MAST4: variants seen among roughly 807,000 people sequenced by gnomAD.
MAST4 encodes the protein microtubule associated serine/threonine kinase family member 4, also known as microtubule-associated serine/threonine-protein kinase 4.
MAST4 carries 89 observed loss-of-function variants against 162.7 expected under a neutral mutation model. That is an observed-to-expected ratio of 0.55 (90% CI 0.46 to 0.65). The LOEUF is 0.65. MAST4 is among the 30% of genes least tolerant of loss of function. The pLI is 0.00. For synonymous variants in MAST4, 1,479 were observed against 1,361.1 expected, an observed-to-expected ratio of 1.09 and a Z score of -1.91; for missense variants, 3,153 against 3,374.0, an observed-to-expected ratio of 0.93 and a Z score of 1.62.
intron 4 of MAST4, among the ~76,000 whole-genome samples, chr5:66,961,233 A>G (rs1301895949): frequency 1.3e-5 from 2 of 152,244 alleles, no homozygotes; most frequent in African/African-American, 4.8e-5. Context: ...TATAATGGAA[A>G]GTCTTATCAC....
chr5:67,165,973 G>A lies in MAST4; in HGVS notation c.6794G>A (p.Gly2265Asp). ...CAGAACAAAGCCAGCGATGGGATTG[G>A]CCAGGGAGAAGGTGGGCCCTCTGTC... ...GSQNKASDGIGQGEGGPSVPL... is the reference protein window; with the variant it reads ...GSQNKASDGIDQGEGGPSVPL... Residue 2265 changes from glycine to aspartate, a missense_variant, in exon 29 of 29, where the codon GGC (glycine) becomes GAC (aspartate). Physicochemically the swap from Gly to Asp is moderately conservative, Grantham distance 94. This residue lies in a region of MAST4 where 1,644 missense variants were observed against 1,495.0 expected (regional missense o/e 1.10). Transcript: ENST00000403625. 1.2e-6 allele frequency: 2 copies of A among 1,613,494 alleles called. No individual in the cohort carries two copies. The highest frequency in any genetic ancestry group is 1.7e-6 in the Non-Finnish European group (2 of 1,179,838).
chr5:66,843,024 C>T (rs959610617), intron 3 of MAST4, among the ~76,000 whole-genome samples: 1 of 152,124 alleles, frequency 6.6e-6, no homozygotes, highest in Non-Finnish European at 1.5e-5. Flanking sequence ...TGAACTCCTC[C>T]GTGTGTCTGT....
chr5:67,034,474 T>C (rs934606574), intron 4 of MAST4, among the ~76,000 whole-genome samples: 4 of 152,164 alleles, frequency 2.6e-5, no homozygotes, highest in African/African-American at 9.6e-5. Context: ...ACTTATGTGT[T>C]TGCTCCATCA....
chr5:66,815,712 C>A (rs982643385), intron 3 of MAST4, among the ~76,000 whole-genome samples: 1 of 152,154 alleles, frequency 6.6e-6, no homozygotes, highest in Non-Finnish European at 1.5e-5. Context: ...TATTGCTTTA[C>A]AAATAAGAAT....
chr5:67,019,686 A>G (rs773849490), intron 4 of MAST4, among the ~76,000 whole-genome samples: 3 of 152,186 alleles, frequency 2.0e-5, no homozygotes, highest in Admixed American at 6.5e-5. Flanking sequence ...TTTTTTAGGG[A>G]AGTAGCTTTA....
At chr5:66,772,737 A>T (rs1034610530) in intron 2 of MAST4, among the ~76,000 whole-genome samples, 1 of 152,232 alleles carries the variant, frequency 6.6e-6, no homozygotes, top group African/African-American at 2.4e-5. Context: ...TGAGGCCCAG[A>T]TTCTAGTCCC....
intron 3 of MAST4, among the ~76,000 whole-genome samples, chr5:66,848,451 T>C (rs528017624): frequency 6.6e-6 from 1 of 152,192 alleles, no homozygotes; most frequent in Non-Finnish European, 1.5e-5. Flanking sequence ...AGGTTGTTTT[T>C]TTTGTTTGTT....
At chr5:67,063,063 A>G (rs1204760051) in intron 5 of MAST4, among the ~76,000 whole-genome samples, 5 of 152,170 alleles carry the variant, frequency 3.3e-5, no homozygotes, top group African/African-American at 4.8e-5. Flanking sequence ...TGTCCAAGCT[A>G]TATCATTTCA....
intron 3 of MAST4, among the ~76,000 whole-genome samples, chr5:66,893,685 T>G (rs564760671): frequency 2.0e-5 from 3 of 152,230 alleles, no homozygotes; most frequent in Non-Finnish European, 4.4e-5. Flanking sequence ...TTTACTGTTA[T>G]TTTACAGGCT....
chr5:67,161,358 T>G (rs1027238427), intron 27 of MAST4, among the ~76,000 whole-genome samples: 3 of 152,216 alleles, frequency 2.0e-5, no homozygotes, highest in African/African-American at 7.2e-5. Context: ...AGGAACAGAA[T>G]TATGTTTCAT....
chr5:66,872,496 A>G (rs957415722), intron 3 of MAST4, among the ~76,000 whole-genome samples: 6 of 152,122 alleles, frequency 3.9e-5, no homozygotes, highest in Non-Finnish European at 8.8e-5. Flanking sequence ...CCATAAATAT[A>G]TTACATTTTC....
chr5:67,052,670 TTTTA>T (rs61103580), intron 4 of MAST4, among the ~76,000 whole-genome samples: 3,556 of 152,266 alleles, frequency 0.023, 160 homozygotes, highest in African/African-American at 0.081. Flanking sequence ...TTCTTATGAA[TTTTA>T]TTTATGCATA....
Position 67,163,553 on chromosome 5 carries a change from G to A in MAST4, c.4374G>A (p.Lys1458=). 6.3e-7 allele frequency: 1 copy of A among 1,597,816 alleles called. No individual in the cohort carries two copies. Among genetic ancestry groups the A allele is most frequent in the Non-Finnish European group, 8.5e-7 (1 of 1,172,724 alleles). ...TGTCGCCCTCTTACGGCAGTGACAA[G>A]AAGCACCTGTGCTCCCGCAAGCACA... The part of the protein sequence containing the change: ...EKLSPSYGSD[K]KHLCSRKHSL... Residue 1458 remains lysine (K), a synonymous_variant, in exon 29 of 29, where the codon AAG becomes AAA. Transcript: ENST00000403625. This position sits in a 1 kb window ranked among gnomAD's most constrained non-coding sequence, Gnocchi z 7.0.
intron 1 of MAST4, among the ~76,000 whole-genome samples, chr5:66,757,117 G>A (rs1221804829): frequency 6.6e-6 from 1 of 151,726 alleles, no homozygotes; most frequent in Non-Finnish European, 1.5e-5. Context: ...TCCTCTGCTT[G>A]TTTTTCTACC....
chr5:67,134,675 A>G lies in MAST4; in HGVS notation c.2379A>G (p.Gly793=). The change falls in exon 18 of 29, where the codon GGA becomes GGG. Residue 793 remains glycine (G), a synonymous_variant. Transcript: ENST00000403625. ...GGGATACTCCAGAGGAGCTATTTGGACAAGTCATCAGTGGTAAATATCATC... is the reference window on the plus strand; with the variant it reads ...GGGATACTCCAGAGGAGCTATTTGGGCAAGTCATCAGTGGTAAATATCATC... The part of the protein sequence containing the change: ...FFGDTPEELF[G]QVISDEINWP... 6.2e-7 allele frequency: 1 copy of G among 1,612,706 alleles called. No individual in the cohort carries two copies. Among genetic ancestry groups the G allele is most frequent in the Non-Finnish European group, 8.5e-7 (1 of 1,179,098 alleles).
intron 1 of MAST4, among the ~76,000 whole-genome samples, chr5:66,723,995 T>C (rs969008715): frequency 2.0e-5 from 3 of 152,044 alleles, no homozygotes; most frequent in African/African-American, 7.2e-5. Context: ...AGGATATTTC[T>C]GGGGATGGTG....
chr5:66,868,837 C>A (rs1760722545), intron 3 of MAST4, among the ~76,000 whole-genome samples: 1 of 152,162 alleles, frequency 6.6e-6, no homozygotes, highest in Admixed American at 6.5e-5. Flanking sequence ...TGCTTGCCCT[C>A]TTTAAATTAG....
intron 1 of MAST4, among the ~76,000 whole-genome samples, chr5:66,644,347 G>GA (rs1294149058): frequency 4.6e-5 from 7 of 152,178 alleles, no homozygotes; most frequent in African/African-American, 1.4e-4. Flanking sequence ...TTAGGCAGAG[G>GA]AAAGGATGAA....
At chr5:67,026,554 A>T (rs1351804025) in intron 4 of MAST4, among the ~76,000 whole-genome samples, 3 of 152,228 alleles carry the variant, frequency 2.0e-5, no homozygotes, top group Admixed American at 6.5e-5. Context: ...AGGTTATAAG[A>T]TCCTCTACTA....
Sources: allele counts gnomAD v4.1 joint callset (sites outside exome capture counted in the v4.1 genomes callset), GRCh38; gene constraint gnomAD v4.1.1; regional missense constraint gnomAD v4.1.1; non-coding constraint Gnocchi (gnomAD v3.1); transcripts MANE v1.5; gene names NCBI Gene and HGNC (gene_info 2026-07-23, HGNC 2026-07-21).